GBP7: variants seen among roughly 807,000 people sequenced by gnomAD.
GBP7 encodes guanylate binding protein 7.
GBP7 carries 43 observed loss-of-function variants against 61.3 expected under a neutral mutation model. The ratio of observed to expected loss-of-function variants is 0.70; its 90% CI spans 0.55 to 0.91. The LOEUF is 0.91. Ranked by LOEUF, GBP7 falls within the 40% of genes least tolerant of loss-of-function variation. The pLI is 0.00. For synonymous variants in GBP7, 267 were observed against 271.0 expected (o/e 0.99, Z 0.14); for missense variants, 717 against 740.5 (o/e 0.97, Z 0.37).
chr1:89,156,953 A>G (rs1354011106), intron 3 of GBP7, among the ~76,000 whole-genome samples: 1 of 152,236 alleles, frequency 6.6e-6, no homozygotes, highest in Non-Finnish European at 1.5e-5. Flanking sequence ...CATAGTTGGA[A>G]GTAAAGCACT....
intron 2 of GBP7, among the ~76,000 whole-genome samples, chr1:89,170,162 C>T (rs942157485): frequency 6.6e-6 from 1 of 152,170 alleles, no homozygotes; most frequent in Non-Finnish European, 1.5e-5. Flanking sequence ...ACTAATCAAA[C>T]TACATAAAAG....
At chr1:89,168,985 CAAA>C (rs984830992) in intron 2 of GBP7, among the ~76,000 whole-genome samples, 1 of 76,846 alleles carries the variant, frequency 1.3e-5, no homozygotes, top group South Asian at 4.6e-4. Context: ...AAAAAAAAAA[CAAA>C]AAACAAAAAA....
chr1:89,152,704 ATGCTGTTG>A lies in GBP7; in HGVS notation c.384_391del (p.Asn129GlyfsTer16). 1.2e-6 allele frequency: 2 copies of A among 1,612,866 alleles called. No homozygotes were observed. The highest frequency in any genetic ancestry group is 1.7e-6 in the Non-Finnish European group (2 of 1,179,902). ...CAGGGCCTGGTGGTTGATGGTGCCC[ATGCTGTTG>A]TAGACAAAGCTGCTGCTTAGAAGCA... is the stretch of plus-strand genomic sequence containing the variant. On this transcript the variant is annotated frameshift_variant, in exon 4 of 11. Coordinates refer to ENST00000294671, the MANE Select transcript of GBP7 (RefSeq NM_207398.3). LOFTEE classifies it high-confidence loss of function.
intron 9 of GBP7, among the ~76,000 whole-genome samples, chr1:89,134,710 C>G (rs942256883): frequency 6.6e-6 from 1 of 152,012 alleles, no homozygotes; most frequent in Non-Finnish European, 1.5e-5. Flanking sequence ...GAAACAGACA[C>G]TTCAAAGACT....
chr1:89,161,380 A>T (rs1647262023), intron 3 of GBP7, among the ~76,000 whole-genome samples: 1 of 151,976 alleles, frequency 6.6e-6, no homozygotes, highest in Non-Finnish European at 1.5e-5. Context: ...ACTAATTTAC[A>T]CTCCCACCAA....
chr1:89,153,350 T>C (rs1196032830), intron 3 of GBP7, among the ~76,000 whole-genome samples: 1 of 152,224 alleles, frequency 6.6e-6, no homozygotes, highest in African/African-American at 2.4e-5. Flanking sequence ...AAAGTCAAGC[T>C]GTATTTTTGC....
Position 89,164,727 on chromosome 1 carries a change from T to G in GBP7, c.318+4A>C. 2 of 1,613,512 alleles carry G rather than the reference T, an allele frequency of 1.2e-6. No homozygotes were observed. The highest frequency in any genetic ancestry group is 1.7e-6 in the Non-Finnish European group (2 of 1,179,572). The stretch of plus-strand genomic sequence containing the variant: ...AAGAAGATTTCTCTATGTCTCTTTC[T>G]TACCTTTTCCATATCACCCAGGCCC... On this transcript the variant is annotated splice_donor_region_variant and intron_variant, in intron 3 of 10. Transcript: ENST00000294671.
In GBP7 at chr1:89,137,969, T is replaced by C. The variant is rs867638812; in HGVS notation, c.1468+3577A>G. Among the ~76,000 whole-genome samples the C allele has an allele frequency of 5.9e-5, 9 of 152,112 alleles. No homozygotes were observed. In the Middle Eastern group the frequency reaches 0.014, roughly 230 times the overall value. The stretch of plus-strand genomic sequence containing the variant: ...CAAAGTTTCAGGATAAAAAAGTAAA[T>C]GTACAAAAATAAGTAGCATTTCTAC... On this transcript the variant is annotated intron_variant, in intron 9 of 10. Transcript: ENST00000294671.
chr1:89,163,244 C>T (rs887556012), intron 3 of GBP7, among the ~76,000 whole-genome samples: 24 of 152,058 alleles, frequency 1.6e-4, no homozygotes, highest in African/African-American at 5.8e-4. Flanking sequence ...TGTATCTCTT[C>T]CAGGTTTTGG....
At chr1:89,167,621 G>A (rs544071160) in intron 2 of GBP7, among the ~76,000 whole-genome samples, 9 of 152,340 alleles carry the variant, frequency 5.9e-5, no homozygotes, top group African/African-American at 2.2e-4. Context: ...CATCATTAAT[G>A]AGGGACTCCA....
intron 9 of GBP7, among the ~76,000 whole-genome samples, chr1:89,138,355 CAAGGCACTCCT>C (rs1481117144): frequency 6.6e-6 from 1 of 152,022 alleles, no homozygotes; most frequent in Non-Finnish European, 1.5e-5. Context: ...CCCGAGTAGC[CAAGGCACTCCT>C]AAGCAAAAAG....
intron 7 of GBP7, among the ~76,000 whole-genome samples, chr1:89,148,431 T>C (rs1226472624): frequency 6.6e-6 from 1 of 152,352 alleles, no homozygotes; most frequent in East Asian, 1.9e-4. Context: ...ATTAATATGA[T>C]GGAGTGTACT....
chr1:89,138,562 CA>C (rs1165753878), intron 9 of GBP7, among the ~76,000 whole-genome samples: 2 of 151,804 alleles, frequency 1.3e-5, no homozygotes, highest in South Asian at 4.1e-4. Flanking sequence ...GTAAAGCTAA[CA>C]AAAAAAGCAA....
At chr1:89,168,781 AAACAACAACAAC>A (rs34186424) in intron 2 of GBP7, among the ~76,000 whole-genome samples, 24 of 150,178 alleles carry the variant, frequency 1.6e-4, no homozygotes, top group Admixed American at 1.1e-3. Context: ...CTAAAAATAC[AAACAACAACAAC>A]AACAACAACA....
intron 9 of GBP7, 24 bp from the exon 10 acceptor site, chr1:89,133,475 G>C (rs779479237): frequency 3.7e-6 from 6 of 1,605,830 alleles, no homozygotes; most frequent in Middle Eastern, 1.7e-4. Flanking sequence ...GTTTTACAGA[G>C]GGAAGAAAAT....
chr1:89,141,209 G>T (rs7518772), intron 9 of GBP7, among the ~76,000 whole-genome samples: 1 of 146,820 alleles, frequency 6.8e-6, no homozygotes, highest in Non-Finnish European at 1.5e-5. Flanking sequence ...AAGTTGGAAA[G>T]AAAAAAAAAA....
At chr1:89,141,716 T>C in intron 8 of GBP7, 68 bp from the exon 9 acceptor site, 1 of 1,236,598 alleles carries the variant, frequency 8.1e-7, no homozygotes, top group Non-Finnish European at 1.2e-6. Flanking sequence ...GAGGAAATTA[T>C]TGTTCAACAA....
At position 89,131,933 on chromosome 1, in the gene GBP7, C is replaced by T. The variant is rs982106618; in HGVS notation, c.*216G>A. 2.4e-4 allele frequency: 97 copies of T among 406,730 alleles called. No individual in the cohort carries two copies. Among genetic ancestry groups the T allele is most frequent in the African/African-American group, 1.8e-3 (88 of 48,554 alleles). 25.2% of individuals were successfully genotyped at this position (406,730 alleles called of 1,614,324 possible). A position where few individuals can be genotyped will look rare whatever the true frequency, so the allele number is the denominator to read the frequency against. Reference sequence around the variant, plus strand: ...TATTACCATTTGTCCTTTTGCTTTACTTAAATCTTTTCTAGGAATAATTTT... The same window carrying T: ...TATTACCATTTGTCCTTTTGCTTTATTTAAATCTTTTCTAGGAATAATTTT... On this transcript the variant is annotated 3_prime_UTR_variant, in exon 11 of 11. Coordinates refer to ENST00000294671, the MANE Select transcript of GBP7 (RefSeq NM_207398.3).
At position 89,141,586 on chromosome 1, in the gene GBP7, C is replaced by T. The variant is rs553551244; in HGVS notation, c.1428G>A (p.Gln476=). Residue 476 remains glutamine, a synonymous_variant, in exon 9 of 11, where the codon CAG becomes CAA. Coordinates refer to ENST00000294671, the MANE Select transcript of GBP7 (RefSeq NM_207398.3). ...SQVVIEESIL[Q]SDKALTAGEK... is the part of the protein sequence containing the mutation. ...CTCCAGCAGTGAGGGCTTTGTCTGA[C>T]TGCAGGATGGATTCCTCTATAACCA... 5.0e-6 allele frequency: 8 copies of T among 1,613,934 alleles called. No individual in the cohort carries two copies. In the South Asian group the frequency reaches 7.7e-5, roughly 16 times the overall value.
Sources: allele counts gnomAD v4.1 joint callset (sites outside exome capture counted in the v4.1 genomes callset), GRCh38; gene constraint gnomAD v4.1.1; transcripts MANE v1.5; gene names NCBI Gene and HGNC (gene_info 2026-07-23, HGNC 2026-07-21).